TLK1: variants seen among roughly 807,000 people sequenced by gnomAD.
TLK1 encodes serine/threonine-protein kinase tousled-like 1.
A neutral mutation model predicts 105.3 loss-of-function variants in TLK1; 24 were observed. The observed-to-expected ratio is 0.23, with a 90% CI of 0.17 to 0.32. The LOEUF (loss-of-function observed/expected upper bound fraction) is 0.32, where lower values mean the gene tolerates loss of function less well. Ranked by LOEUF, TLK1 falls within the 10% of genes least tolerant of loss-of-function variation. TLK1 has a pLI of 1.00. For missense variants in TLK1, 558 were observed against 910.5 expected (o/e 0.61, Z 4.98); for synonymous variants, 321 against 310.4 (o/e 1.03, Z -0.36).
chr2:171,214,252 G>T (rs992617278), intron 1 of TLK1, among the ~76,000 whole-genome samples: 3 of 152,060 alleles, frequency 2.0e-5, no homozygotes, highest in African/African-American at 7.2e-5. Context: ...GTGGGACCTA[G>T]TGTCTTCTCT....
At chr2:171,231,199 G>A (rs1269940232) in exon 1 of TLK1, 2 of 152,156 alleles carry the variant, frequency 1.3e-5, no homozygotes, top group Non-Finnish European at 2.9e-5. Flanking sequence ...GTTCTTCCTG[G>A]AGGCTCAGAG....
intron 11 of TLK1, among the ~76,000 whole-genome samples, chr2:171,043,196 A>G (rs537232708): frequency 6.6e-6 from 1 of 152,336 alleles, no homozygotes; most frequent in African/African-American, 2.4e-5. Flanking sequence ...GACTGAAGAG[A>G]TAGAGGGTAC....
chr2:171,124,507 T>G (rs1036547264), intron 1 of TLK1, among the ~76,000 whole-genome samples: 1 of 152,222 alleles, frequency 6.6e-6, no homozygotes, highest in East Asian at 1.9e-4. Flanking sequence ...TTGTCCTGTT[T>G]CTAACAAAAA....
intron 11 of TLK1, among the ~76,000 whole-genome samples, chr2:171,040,263 GA>G (rs1686597635): frequency 6.6e-6 from 1 of 152,106 alleles, no homozygotes; most frequent in Non-Finnish European, 1.5e-5. Context: ...CAGGATTTTA[GA>G]AAAATCAGTT....
intron 11 of TLK1, among the ~76,000 whole-genome samples, chr2:171,036,511 G>A (rs985025031): frequency 1.3e-5 from 2 of 152,222 alleles, no homozygotes; most frequent in Non-Finnish European, 2.9e-5. Flanking sequence ...AAGCACAGAA[G>A]ATCATCATAA....
chr2:171,142,774 A>G (rs1056809688), intron 1 of TLK1, among the ~76,000 whole-genome samples: 3 of 152,234 alleles, frequency 2.0e-5, no homozygotes, highest in African/African-American at 7.2e-5. Context: ...CACCACATCT[A>G]ACAACTGTAG....
chr2:171,227,803 A>G (rs1267623663), intron 1 of TLK1, among the ~76,000 whole-genome samples: 1 of 152,110 alleles, frequency 6.6e-6, no homozygotes, highest in Non-Finnish European at 1.5e-5. Context: ...GAAAGCGCTT[A>G]CAAATTTCAG....
At chr2:171,104,718 A>G (rs958358594) in intron 2 of TLK1, among the ~76,000 whole-genome samples, 15 of 152,190 alleles carry the variant, frequency 9.9e-5, no homozygotes, top group African/African-American at 2.9e-4. Flanking sequence ...TGATCCTCCC[A>G]AAGTGCTGGG....
At chr2:171,106,673 T>C (rs1689944182) in intron 2 of TLK1, among the ~76,000 whole-genome samples, 1 of 152,302 alleles carries the variant, frequency 6.6e-6, no homozygotes, top group Middle Eastern at 3.4e-3. Flanking sequence ...ATTTGATCCT[T>C]AGAATGTTTT....
At chr2:171,034,065 G>T (rs1350925679) in intron 11 of TLK1, among the ~76,000 whole-genome samples, 1 of 152,100 alleles carries the variant, frequency 6.6e-6, no homozygotes, top group African/African-American at 2.4e-5. Flanking sequence ...AAATTACCGT[G>T]AGATATCACT....
intron 1 of TLK1, among the ~76,000 whole-genome samples, chr2:171,151,359 C>T (rs1401934403): frequency 2.0e-5 from 3 of 151,690 alleles, no homozygotes; most frequent in African/African-American, 7.3e-5. Context: ...TCAATTTCCT[C>T]ATCTATAAAG....
intron 1 of TLK1, among the ~76,000 whole-genome samples, chr2:171,124,061 A>G (rs1690771463): frequency 6.6e-6 from 1 of 152,108 alleles, no homozygotes; most frequent in Non-Finnish European, 1.5e-5. Context: ...AAGTTTCTCC[A>G]CTACAAAATT....
At chr2:171,200,173 A>G (rs1246753595) in intron 1 of TLK1, among the ~76,000 whole-genome samples, 1 of 152,200 alleles carries the variant, frequency 6.6e-6, no homozygotes, top group African/African-American at 2.4e-5. Flanking sequence ...TAGAAATAGA[A>G]ATTGTGGCGT....
chr2:171,090,334 T>C (rs1689172101), intron 2 of TLK1, among the ~76,000 whole-genome samples: 1 of 150,340 alleles, frequency 6.7e-6, no homozygotes, highest in African/African-American at 2.5e-5. Context: ...TGATTTATAA[T>C]CAATGACCTT....
Position 171,027,388 on chromosome 2 carries a change from C to A in TLK1, c.1236+951G>T, listed in dbSNP as rs181925792. ...AAAACCTACTCTATTATTACTACTT[C>A]TCTGAAATCATTTGAACTAAAATTA... On this transcript the variant is annotated intron_variant, in intron 12 of 20. Coordinates refer to ENST00000431350, the MANE Select transcript of TLK1 (RefSeq NM_012290.5). 1.9e-3 allele frequency among the ~76,000 whole-genome samples: 289 copies of A among 152,298 alleles called. 1 individual carries two copies. Among genetic ancestry groups the A allele is most frequent in the African/African-American group, 5.9e-3 (247 of 41,570 alleles).
chr2:171,122,795 T>G (rs868169973), intron 1 of TLK1, among the ~76,000 whole-genome samples: 1 of 151,952 alleles, frequency 6.6e-6, no homozygotes, highest in Non-Finnish European at 1.5e-5. Flanking sequence ...TCCCAGCACG[T>G]TGGGAGACTG....
chr2:171,216,782 C>T (rs1343123308), intron 1 of TLK1, among the ~76,000 whole-genome samples: 4 of 152,078 alleles, frequency 2.6e-5, no homozygotes, highest in Admixed American at 2.6e-4. Flanking sequence ...GACAAAGATA[C>T]ACAGGGAAAA....
At chr2:171,055,663 C>T (rs1030910064) in intron 6 of TLK1, among the ~76,000 whole-genome samples, 3 of 151,936 alleles carry the variant, frequency 2.0e-5, no homozygotes, top group Non-Finnish European at 4.4e-5. Context: ...ATTGTATCAG[C>T]GCTATCACTA....
intron 1 of TLK1, among the ~76,000 whole-genome samples, chr2:171,143,888 G>C (rs1691689885): frequency 6.6e-6 from 1 of 152,044 alleles, no homozygotes; most frequent in Non-Finnish European, 1.5e-5. Flanking sequence ...ACACTCAAGA[G>C]GCAGAAATTA....
Sources: allele counts gnomAD v4.1 joint callset (sites outside exome capture counted in the v4.1 genomes callset), GRCh38; gene constraint gnomAD v4.1.1; transcripts MANE v1.5; gene names NCBI Gene and HGNC (gene_info 2026-07-23, HGNC 2026-07-21).